PPP6R2: variants seen among roughly 807,000 people sequenced by gnomAD.
The protein encoded by PPP6R2 is protein phosphatase 6 regulatory subunit 2.
A neutral mutation model predicts 100.2 loss-of-function variants in PPP6R2; 62 were observed. The observed-to-expected ratio is 0.62, with a 90% CI of 0.50 to 0.76. PPP6R2 has a LOEUF of 0.76. PPP6R2 is among the 30% of genes least tolerant of loss of function. PPP6R2 has a pLI of 0.00. For missense variants in PPP6R2, 1,142 were observed against 1,276.3 expected, an observed-to-expected ratio of 0.89 and a Z score of 1.60; for synonymous variants, 525 against 514.7, an observed-to-expected ratio of 1.02 and a Z score of -0.27.
intron 1 of PPP6R2, among the ~76,000 whole-genome samples, chr22:50,352,512 G>A (rs557320262): frequency 1.5e-4 from 23 of 151,430 alleles, no homozygotes; most frequent in South Asian, 4.2e-4. Flanking sequence ...GGTGGATCAC[G>A]AGGTCAGGAG....
chr22:50,364,159 A>C (rs865804199), intron 1 of PPP6R2, among the ~76,000 whole-genome samples: 15 of 152,160 alleles, frequency 9.9e-5, no homozygotes, highest in Middle Eastern at 3.4e-3. Context: ...GGCCTCCCAA[A>C]GTGCTGGGAT....
chr22:50,430,136 C>T (rs1040879319), intron 10 of PPP6R2, among the ~76,000 whole-genome samples: 2 of 152,240 alleles, frequency 1.3e-5, no homozygotes, highest in Admixed American at 6.5e-5. Context: ...CTATGTCCCC[C>T]TCTCTGTCCT....
intron 4 of PPP6R2, among the ~76,000 whole-genome samples, chr22:50,408,324 T>G (rs886248191): frequency 6.6e-6 from 1 of 152,242 alleles, no homozygotes; most frequent in Non-Finnish European, 1.5e-5. Flanking sequence ...ACATCTGCTT[T>G]GAGCTCTGAG....
At chr22:50,369,278 T>C (rs760138163) in intron 1 of PPP6R2, among the ~76,000 whole-genome samples, 7 of 148,326 alleles carry the variant, frequency 4.7e-5, no homozygotes, top group Non-Finnish European at 1.0e-4. Flanking sequence ...TTTTGAAAAC[T>C]GTATAAAGTT....
At chr22:50,375,506 C>T (rs763164969) in intron 2 of PPP6R2, among the ~76,000 whole-genome samples, 4 of 152,098 alleles carry the variant, frequency 2.6e-5, no homozygotes, top group South Asian at 2.1e-4. Flanking sequence ...CTCCCCACAC[C>T]GATGGAACTC....
At chr22:50,367,889 A>C (rs1387879441) in intron 1 of PPP6R2, among the ~76,000 whole-genome samples, 1 of 152,120 alleles carries the variant, frequency 6.6e-6, no homozygotes, top group Non-Finnish European at 1.5e-5. Context: ...AGTGGCCCCG[A>C]ATGCCTGGCT....
At chr22:50,389,908 T>C (rs2055085765) in intron 2 of PPP6R2, among the ~76,000 whole-genome samples, 2 of 151,534 alleles carry the variant, frequency 1.3e-5, no homozygotes, top group Non-Finnish European at 2.9e-5. Flanking sequence ...CATTTTTGAG[T>C]GTTTCTTAGA....
chr22:50,347,035 C>T (rs1051009238), intron 1 of PPP6R2, among the ~76,000 whole-genome samples: 1 of 152,042 alleles, frequency 6.6e-6, no homozygotes, highest in African/African-American at 2.4e-5. Flanking sequence ...GTGCCAGTGC[C>T]TCTGTCAGTG....
chr22:50,357,300 C>T (rs1434511772), intron 1 of PPP6R2, among the ~76,000 whole-genome samples: 1 of 152,106 alleles, frequency 6.6e-6, no homozygotes. Flanking sequence ...TGCGTATATG[C>T]ATATACATAC....
At chr22:50,338,257 T>G in the PPP6R2 span, among the ~76,000 whole-genome samples, 28 of 137,186 alleles carry the variant, frequency 2.0e-4, 1 homozygote, top group Admixed American at 2.1e-3. Flanking sequence ...TGTGTCTATG[T>G]GTGGTGCGTG....
intron 3 of PPP6R2, among the ~76,000 whole-genome samples, chr22:50,396,061 GGC>G (rs2056749885): frequency 6.6e-6 from 1 of 151,320 alleles, no homozygotes; most frequent in Non-Finnish European, 1.5e-5. Flanking sequence ...AGGGCGTAGT[GGC>G]GCACGCCTGT....
At chr22:50,339,761 GGT>G (rs1466703595), upstream of PPP6R2, among the ~76,000 whole-genome samples, 5 of 134,576 alleles carry the variant, frequency 3.7e-5, no homozygotes, top group Admixed American at 3.0e-4. Context: ...GGTGGTGTGT[GGT>G]GTGTGTGGTA....
intron 20 of PPP6R2, 50 bp downstream of exon 20, chr22:50,439,907 G>C: frequency 6.2e-7 from 1 of 1,607,558 alleles, no homozygotes; most frequent in Non-Finnish European, 8.5e-7. Flanking sequence ...TGCCTGTCAG[G>C]GCCAGGAGGC....
At chr22:50,422,696 C>T (rs547081573) in intron 9 of PPP6R2, among the ~76,000 whole-genome samples, 2 of 152,124 alleles carry the variant, frequency 1.3e-5, no homozygotes, top group Non-Finnish European at 2.9e-5. Context: ...CAGGGGGTGG[C>T]AGGGGAGGCC....
At chr22:50,354,451 T>G (rs1053051542) in intron 1 of PPP6R2, among the ~76,000 whole-genome samples, 3 of 152,336 alleles carry the variant, frequency 2.0e-5, no homozygotes, top group African/African-American at 7.2e-5. Flanking sequence ...ATGTAGATGC[T>G]CAACAAGTTT....
intron 1 of PPP6R2, among the ~76,000 whole-genome samples, chr22:50,362,375 T>C (rs2047961351): frequency 1.3e-5 from 2 of 152,296 alleles, no homozygotes; most frequent in Middle Eastern, 3.4e-3. Flanking sequence ...TCTGAGACTT[T>C]GGTGGGAGAC....
At chr22:50,388,329 G>A (rs956939880) in intron 2 of PPP6R2, among the ~76,000 whole-genome samples, 3 of 151,246 alleles carry the variant, frequency 2.0e-5, no homozygotes, top group Admixed American at 6.6e-5. Flanking sequence ...GGGAGGTTGA[G>A]GCTGCAGTGT....
At chr22:50,333,385 A>G in the PPP6R2 span, among the ~76,000 whole-genome samples, 1,513 of 147,666 alleles carry the variant, frequency 0.01, 9 homozygotes, top group South Asian at 0.016. Flanking sequence ...CGCCCAGGCT[A>G]GAGTGCAGTG....
chr22:50,397,245 G>A (rs775574484), intron 3 of PPP6R2, among the ~76,000 whole-genome samples: 8 of 152,144 alleles, frequency 5.3e-5, no homozygotes, highest in Non-Finnish European at 8.8e-5. Flanking sequence ...TTCGGAGGGA[G>A]AGCAAGAGGA....
Sources: allele counts gnomAD v4.1 joint callset (sites outside exome capture counted in the v4.1 genomes callset), GRCh38; gene constraint gnomAD v4.1.1; transcripts MANE v1.5; gene names NCBI Gene and HGNC (gene_info 2026-07-23, HGNC 2026-07-21).